Variants in MYO1F observed in about 807,000 individuals in gnomAD.
MYO1F encodes myosin IF.
A neutral mutation model predicts 146.6 loss-of-function variants in MYO1F; 60 were observed. The observed-to-expected ratio is 0.41, with a 90% CI of 0.33 to 0.51. The LOEUF (loss-of-function observed/expected upper bound fraction) is 0.51, where lower values mean the gene tolerates loss of function less well. Among genes scored for constraint, MYO1F ranks in the 20% least tolerant of loss-of-function variants. MYO1F has a pLI of 0.25. For synonymous variants in MYO1F, 602 were observed against 602.1 expected (o/e 1.00, Z 0.00); for missense variants, 1,274 against 1,534.3 (o/e 0.83, Z 2.83).
intron 14 of MYO1F, among the ~76,000 whole-genome samples, chr19:8,543,762 GTGGTGCTGGTGGTGC>G (rs1973131164): frequency 1.1e-4 from 1 of 9,374 alleles, no homozygotes; most frequent in Non-Finnish European, 2.0e-4. Flanking sequence ...GGTGGTGGTG[GTGGTGCTGGTGGTGC>G]TGGTGGTGCT....
chr19:8,566,957 G>A (rs1004701817), intron 1 of MYO1F, among the ~76,000 whole-genome samples: 7 of 151,846 alleles, frequency 4.6e-5, no homozygotes, highest in African/African-American at 7.3e-5. Context: ...GATTACAGGC[G>A]TAAGCCACCA....
In MYO1F at chr19:8,553,504, C is replaced by T; in HGVS notation, c.327-67G>A. The T allele has an allele frequency of 2.3e-6, 3 of 1,298,752 alleles. No individual in the cohort carries two copies. The South Asian group carries it at 3.5e-5, about 15-fold the overall frequency. 80.5% of individuals were successfully genotyped at this position (1,298,752 alleles called of 1,614,324 possible). On this transcript the variant is annotated intron_variant, in intron 4 of 27. Coordinates refer to ENST00000644032, the MANE Select transcript of MYO1F (RefSeq NM_012335.4). ...GAGCCCTTTTTAGTGCCTGACCATT[C>T]ATTCATTGAGCACCTACTGTGTGCC...
In MYO1F at chr19:8,521,453, G is replaced by T; in HGVS notation, c.*75C>A. On this transcript the variant is annotated 3_prime_UTR_variant, in exon 28 of 28. Coordinates refer to ENST00000644032, the MANE Select transcript of MYO1F (RefSeq NM_012335.4). ...AGCCCAGGTAAACGAGGCTCTCATTGGCAGGGCCTGGCTCCCCACCAGGCC... is the reference window on the plus strand; with the variant it reads ...AGCCCAGGTAAACGAGGCTCTCATTTGCAGGGCCTGGCTCCCCACCAGGCC... The T allele has an allele frequency of 1.3e-6, 2 of 1,492,752 alleles. No individual in the cohort carries two copies. Among genetic ancestry groups the T allele is most frequent in the South Asian group, 1.1e-5 (1 of 87,506 alleles). 92.5% of individuals were successfully genotyped at this position (1,492,752 alleles called of 1,614,324 possible). A position where few individuals can be genotyped will look rare whatever the true frequency, so the allele number is the denominator to read the frequency against.
chr19:8,563,640 C>T (rs980263283), intron 1 of MYO1F, among the ~76,000 whole-genome samples: 3 of 151,906 alleles, frequency 2.0e-5, no homozygotes, highest in Admixed American at 6.6e-5. Context: ...TCCCTAGTAG[C>T]TGGGGTTACA....
Position 8,530,204 on chromosome 19 carries a change from G to A in MYO1F, c.2320C>T (p.Arg774Cys), listed in dbSNP as rs373980682. 5.6e-6 allele frequency: 9 copies of A among 1,613,914 alleles called. No homozygotes were observed. The highest frequency in any genetic ancestry group is 2.7e-5 in the African/African-American group (2 of 74,888). Residue 774 changes from arginine (R) to cysteine (C), a missense_variant, in exon 21 of 28, where the codon CGC becomes TGC. Physicochemically the swap from Arg to Cys is radical, Grantham distance 180 (BLOSUM62 -3). Coordinates refer to ENST00000644032, the MANE Select transcript of MYO1F (RefSeq NM_012335.4). This position sits in a 1 kb window ranked among gnomAD's most constrained non-coding sequence, Gnocchi z 5.8. ...FADSVTKYDR[R>C]FKPIKRDLIL... is the part of the protein sequence containing the mutation. ...ACCCACTAGTGCCTCACCTTGAAGC[G>A]GCGGTCGTACTTGGTGACCGAATCG... is the stretch of plus-strand genomic sequence containing the variant.
intron 4 of MYO1F, among the ~76,000 whole-genome samples, chr19:8,553,744 C>T (rs530115310): frequency 4.9e-4 from 75 of 151,712 alleles, no homozygotes; most frequent in African/African-American, 1.7e-3. Flanking sequence ...TGGTGGTGGG[C>T]GCCTGTAATC....
chr19:8,550,720 G>T, intron 8 of MYO1F, 26 bp from the exon 9 acceptor site: 1 of 1,613,466 alleles, frequency 6.2e-7, no homozygotes. Context: ...GGCAGAAACT[G>T]TGCCGTGAAT....
In MYO1F at chr19:8,552,038, A is replaced by G. The variant is rs1973634424; in HGVS notation, c.631T>C (p.Tyr211His). The G allele has an allele frequency of 1.2e-6, 2 of 1,613,836 alleles. No homozygotes were observed. The highest frequency in any genetic ancestry group is 1.7e-5 in the Admixed American group (1 of 59,944). The change falls in exon 7 of 28, where the codon TAC becomes CAC. Residue 211 changes from tyrosine (Y) to histidine (H), a missense_variant. Physicochemically the swap from Tyr to His is moderately conservative, Grantham distance 83 (BLOSUM62 2). Around this residue, in one of 2 missense-constraint regions of MYO1F, gnomAD observed 900 missense variants for 1,155.1 expected, o/e 0.78. Transcript: ENST00000644032. ...CCCCGGCCCCTTCCCTGCACCTGGT[A>G]GTAGATGTGGAAGTTCCTCTCATTT... ...NENERNFHIY[Y>H]QLLEGASQEQ...
At chr19:8,574,530 C>CCTTTCTTTCTTTCTTTCTTT (rs1183292416) in intron 1 of MYO1F, among the ~76,000 whole-genome samples, 25 of 119,098 alleles carry the variant, frequency 2.1e-4, no homozygotes, top group South Asian at 3.0e-4. Context: ...TTCTTTTTTC[C>CCTTTCTTTCTTTCTTTCTTT]CTTTCTTTCT....
chr19:8,561,494 C>T (rs1974123922), intron 1 of MYO1F, among the ~76,000 whole-genome samples: 1 of 140,262 alleles, frequency 7.1e-6, no homozygotes, highest in African/African-American at 2.7e-5. Context: ...TTCTTTCGTT[C>T]TCTTTCTTCT....
intron 12 of MYO1F, among the ~76,000 whole-genome samples, chr19:8,546,366 C>CT (rs150811028): frequency 2.1e-4 from 30 of 145,120 alleles, no homozygotes; most frequent in East Asian, 4.0e-4. Flanking sequence ...ACACAGCTTG[C>CT]TTTTTTTTTT....
chr19:8,561,063 A>T (rs1428420576), intron 1 of MYO1F, among the ~76,000 whole-genome samples: 2 of 151,622 alleles, frequency 1.3e-5, no homozygotes, highest in Admixed American at 6.6e-5. Flanking sequence ...TAAATATTTC[A>T]TAGAGACATG....
chr19:8,544,558 GAGGAGTGGAGGGAGCTAGAGCTTT>G, intron 13 of MYO1F, 94 bp from the exon 14 acceptor site: 1 of 1,189,020 alleles, frequency 8.4e-7, no homozygotes, highest in East Asian at 2.7e-5. Context: ...GGAGGGGGTG[GAGGAGTGGAGGGAGCTAGAGCTTT>G]GGGGGTGGGG....
chr19:8,574,561 TTCTTTCTTTCTTTCTTTC>T (rs1329760951), intron 1 of MYO1F, among the ~76,000 whole-genome samples: 5 of 85,580 alleles, frequency 5.8e-5, no homozygotes, highest in African/African-American at 2.3e-4. Context: ...CTTTCTTTCT[TTCTTTCTTTCTTTCTTTC>T]TCTCTCTCTC....
At chr19:8,541,851 C>T (rs1972986910) in intron 15 of MYO1F, 55 bp downstream of exon 15, 2 of 1,507,488 alleles carry the variant, frequency 1.3e-6, no homozygotes, top group Non-Finnish European at 1.8e-6. Flanking sequence ...CCCGGTCCTC[C>T]CTCCATCCCC....
rs562192928 is a variant in MYO1F, at chr19:8,577,408, G to A, written c.-99C>T. 7.4e-7 allele frequency: 1 copy of A among 1,350,060 alleles called. No individual in the cohort carries two copies. Among genetic ancestry groups the A allele is most frequent in the African/African-American group, 1.4e-5 (1 of 69,924 alleles). The allele number at this position is 1,350,060 out of a possible 1,614,324, so 83.6% of individuals were successfully genotyped here. ...TTGGGGGTGGCTTGGGCATGGCCCT[G>A]CTTCTGCCCGTTCACCGGACTCCCG... On this transcript the variant is annotated 5_prime_UTR_variant, in exon 1 of 28. Transcript: ENST00000644032. The surrounding 1 kb of genome is among the most constrained non-coding windows in gnomAD (Gnocchi z 4.3).
At chr19:8,570,973 A>G (rs2042096829) in intron 1 of MYO1F, among the ~76,000 whole-genome samples, 1 of 152,154 alleles carries the variant, frequency 6.6e-6, no homozygotes, top group Admixed American at 6.6e-5. Flanking sequence ...CAACGAAGCA[A>G]AGGTTGTCCA....
At chr19:8,543,907 T>C (rs1235962794) in intron 14 of MYO1F, among the ~76,000 whole-genome samples, 2 of 96,476 alleles carry the variant, frequency 2.1e-5, no homozygotes, top group African/African-American at 9.8e-5. Flanking sequence ...CTGGTGGTGG[T>C]GGTGGTGGTG....
intron 14 of MYO1F, 35 bp from the exon 15 acceptor site, chr19:8,542,026 G>C (rs747646981): frequency 8.6e-5 from 134 of 1,567,160 alleles, no homozygotes; most frequent in Non-Finnish European, 2.0e-5. Context: ...GTGAGGGACT[G>C]AGAAACCTGG....
Sources: allele counts gnomAD v4.1 joint callset (sites outside exome capture counted in the v4.1 genomes callset), GRCh38; gene constraint gnomAD v4.1.1; regional missense constraint gnomAD v4.1.1; non-coding constraint Gnocchi (gnomAD v3.1); transcripts MANE v1.5; gene names NCBI Gene and HGNC (gene_info 2026-07-23, HGNC 2026-07-21).